SMPD4: variants seen among roughly 807,000 people sequenced by gnomAD.
SMPD4 encodes the protein sphingomyelin phosphodiesterase 4.
A neutral mutation model predicts 97.8 loss-of-function variants in SMPD4; 58 were observed. The ratio of observed to expected loss-of-function variants is 0.59; its 90% CI spans 0.48 to 0.74. The LOEUF is 0.74. Ranked by LOEUF, SMPD4 falls within the 30% of genes least tolerant of loss-of-function variation. The pLI is 0.00. For synonymous variants in SMPD4, 388 were observed against 450.0 expected (o/e 0.86, Z 1.74); for missense variants, 853 against 1,080.5 (o/e 0.79, Z 2.95).
rs1383909776 is a variant in SMPD4, at chr2:130,181,547, T to C, written c.-63A>G. On this transcript the variant is annotated 5_prime_UTR_variant, in exon 1 of 20. Coordinates refer to ENST00000680298, the MANE Select transcript of SMPD4 (RefSeq NM_017951.5). ...CCACTCACCTGTGGGATCCATAGCG[T>C]CGCTCGCCTCAGAGATGGAAGCCGC... is the stretch of plus-strand genomic sequence containing the variant. 5.0e-6 allele frequency: 8 copies of C among 1,605,650 alleles called. No individual in the cohort carries two copies. The highest frequency in any genetic ancestry group is 3.4e-5 in the Admixed American group (2 of 59,134).
chr2:130,172,293 A>G (rs944851800), intron 8 of SMPD4, 56 bp downstream of exon 8: 29 of 1,486,960 alleles, frequency 2.0e-5, no homozygotes, highest in East Asian at 4.6e-5. Context: ...GGGCGATGCA[A>G]GTGACCAGGC....
intron 4 of SMPD4, 44 bp downstream of exon 4, chr2:130,173,470 C>T (rs746803726): frequency 4.4e-5 from 70 of 1,586,104 alleles, no homozygotes; most frequent in Admixed American, 1.0e-4. Context: ...GTGGAATCAC[C>T]ATGAGGAATC....
intron 8 of SMPD4, among the ~76,000 whole-genome samples, chr2:130,171,910 C>T (rs373693590): frequency 5.3e-5 from 8 of 152,348 alleles, no homozygotes; most frequent in East Asian, 1.9e-4. Context: ...TGTGCAGGCA[C>T]GCATCAGGCT....
At chr2:130,176,504 T>C in intron 2 of SMPD4, 50 bp downstream of exon 2, 1 of 1,467,630 alleles carries the variant, frequency 6.8e-7, no homozygotes, top group Non-Finnish European at 9.4e-7. Context: ...AAGTCCCACA[T>C]CTACAGAACT....
intron 3 of SMPD4, 39 bp downstream of exon 3, chr2:130,174,875 T>C (rs765942338): frequency 6.3e-6 from 9 of 1,435,414 alleles, no homozygotes; most frequent in Non-Finnish European, 8.8e-6. Flanking sequence ...AACGAATGTA[T>C]AAGACATGCT....
rs1444094255 is a variant in SMPD4, at chr2:130,153,160, C to T, written c.2037G>A (p.Gly679=). The T allele has an allele frequency of 5.0e-6, 8 of 1,613,744 alleles. No homozygotes were observed. Among genetic ancestry groups the T allele is most frequent in the African/African-American group, 2.7e-5 (2 of 74,918 alleles). The change falls in exon 19 of 20, where the codon GGG becomes GGA. Residue 679 remains glycine, a synonymous_variant. Coordinates refer to ENST00000680298, the MANE Select transcript of SMPD4 (RefSeq NM_017951.5). ...TPLGRYQIIN[G]LRRFEIEYQG... Reference sequence around the variant, plus strand: ...GGTACTCAATTTCAAACCTTCGCAGCCCATTGATGATCTAGAAAGCCAGGC... The same window carrying T: ...GGTACTCAATTTCAAACCTTCGCAGTCCATTGATGATCTAGAAAGCCAGGC...
chr2:130,170,507 T>G (rs1215174300), intron 8 of SMPD4, among the ~76,000 whole-genome samples: 1 of 147,538 alleles, frequency 6.8e-6, no homozygotes, highest in Non-Finnish European at 1.5e-5. Context: ...GGTTCATGCC[T>G]GTAATCTCTG....
chr2:130,155,947 C>T, intron 14 of SMPD4, 88 bp downstream of exon 14: 2 of 1,377,818 alleles, frequency 1.5e-6, no homozygotes, highest in Admixed American at 1.8e-5. Context: ...CTGACCCCAG[C>T]ACAGGCCGCT....
At chr2:130,156,859 A>T (rs1686854689) in intron 12 of SMPD4, 184 bp from the exon 13 acceptor site, 1 of 1,509,036 alleles carries the variant, frequency 6.6e-7, no homozygotes, top group Non-Finnish European at 9.0e-7. Context: ...GGAACATCCC[A>T]AGGACACACA....
At chr2:130,178,727 G>T (rs751900978) in intron 1 of SMPD4, among the ~76,000 whole-genome samples, 1 of 151,794 alleles carries the variant, frequency 6.6e-6, no homozygotes, top group East Asian at 1.9e-4. Context: ...CCCAGGAGGC[G>T]GAGGTTGCAG....
At chr2:130,168,336 A>AT (rs763851009) in intron 8 of SMPD4, among the ~76,000 whole-genome samples, 6 of 152,114 alleles carry the variant, frequency 3.9e-5, no homozygotes, top group Non-Finnish European at 7.4e-5. Flanking sequence ...AGACAGGAGG[A>AT]TCACTTGAGC....
At chr2:130,173,768 A>ATCCCATAGGTCTTAGCC in intron 3 of SMPD4, 112 bp from the exon 4 acceptor site, 1 of 1,410,732 alleles carries the variant, frequency 7.1e-7, no homozygotes, top group Non-Finnish European at 9.8e-7. Flanking sequence ...CTCCCTGGCT[A>ATCCCATAGGTCTTAGCC]AGACCTATGG....
At chr2:130,177,195 G>A (rs548108841) in intron 1 of SMPD4, among the ~76,000 whole-genome samples, 22 of 152,306 alleles carry the variant, frequency 1.4e-4, no homozygotes, top group Admixed American at 1.3e-3. Flanking sequence ...ATCCTCCTGC[G>A]TCAGCCTCCC....
At chr2:130,174,569 G>A (rs1191113459) in intron 3 of SMPD4, among the ~76,000 whole-genome samples, 3 of 152,078 alleles carry the variant, frequency 2.0e-5, no homozygotes, top group South Asian at 2.1e-4. Context: ...CTTCTTTGTC[G>A]CAGGGAGCTG....
chr2:130,176,474 A>G, intron 2 of SMPD4, 80 bp downstream of exon 2: 1 of 1,199,998 alleles, frequency 8.3e-7, no homozygotes, highest in Non-Finnish European at 1.2e-6. Flanking sequence ...GAGTTCTTCA[A>G]GTCAATGGGA....
At chr2:130,181,506 A>T in intron 1 of SMPD4, 24 bp downstream of exon 1, 2 of 1,592,250 alleles carry the variant, frequency 1.3e-6, no homozygotes, top group Non-Finnish European at 1.7e-6. Context: ...GGACCGTCTC[A>T]GGCGCGCATC....
rs527472018 is a variant in SMPD4, at chr2:130,170,181, G to T, written c.659+2168C>A. Among the ~76,000 whole-genome samples, 4 of 151,478 alleles carry T rather than the reference G, an allele frequency of 2.6e-5. No individual in the cohort carries two copies. The East Asian group carries it at 5.8e-4, about 22-fold the overall frequency. ...CCAGCCTGTGTGACAGAGTAAGACC[G>T]TCTTTAAAAATACATAATGGCTAGG... On this transcript the variant is annotated intron_variant, in intron 8 of 19. Transcript: ENST00000680298.
intron 14 of SMPD4, among the ~76,000 whole-genome samples, chr2:130,155,690 C>T (rs1415214501): frequency 1.3e-5 from 2 of 151,944 alleles, no homozygotes; most frequent in Non-Finnish European, 2.9e-5. Flanking sequence ...AGACAGCCTC[C>T]CTCATCCCCT....
chr2:130,167,293 G>A (rs1688028926), intron 9 of SMPD4, among the ~76,000 whole-genome samples, 165 bp downstream of exon 9: 1 of 152,072 alleles, frequency 6.6e-6, no homozygotes, highest in Non-Finnish European at 1.5e-5. Context: ...ACTAATTTTT[G>A]TGTTTTTAGT....
Sources: allele counts gnomAD v4.1 joint callset (sites outside exome capture counted in the v4.1 genomes callset), GRCh38; gene constraint gnomAD v4.1.1; transcripts MANE v1.5; gene names NCBI Gene and HGNC (gene_info 2026-07-23, HGNC 2026-07-21).